DEAF1: variants seen among roughly 807,000 people sequenced by gnomAD.
DEAF1 encodes the protein deformed epidermal autoregulatory factor 1 homolog.
In DEAF1, 53 loss-of-function variants were observed where a neutral mutation model predicts 58.9. The ratio of observed to expected loss-of-function variants is 0.90; its 90% CI spans 0.72 to 1.13. The LOEUF (loss-of-function observed/expected upper bound fraction) is 1.13. DEAF1 is among the 50% of genes most tolerant of loss of function. DEAF1 has a pLI of 0.00. For synonymous variants in DEAF1, 385 were observed against 340.4 expected (o/e 1.13, Z -1.44); for missense variants, 685 against 791.4 (o/e 0.87, Z 1.61).
Position 644,343 on chromosome 11 carries a change from G to C in DEAF1, c.*207C>G. On this transcript the variant is annotated 3_prime_UTR_variant, in exon 12 of 12. Coordinates refer to ENST00000382409, the MANE Select transcript of DEAF1 (RefSeq NM_021008.4). This position sits in a 1 kb window ranked among gnomAD's most constrained non-coding sequence, Gnocchi z 4.3. Reference sequence around the variant, plus strand: ...GATCCCAGGGATAAAAAATCTGTCCGCGAGCGGGCAGGGGGCCCGGGCAGG... The same window carrying C: ...GATCCCAGGGATAAAAAATCTGTCCCCGAGCGGGCAGGGGGCCCGGGCAGG... The C allele has an allele frequency of 1.6e-6, 1 of 622,664 alleles. No individual in the cohort carries two copies. Among genetic ancestry groups the C allele is most frequent in the East Asian group, 2.8e-5 (1 of 36,270 alleles). The allele number at this position is 622,664 out of a possible 1,614,324, so 38.6% of individuals were successfully genotyped here. A position where few individuals can be genotyped will look rare whatever the true frequency, so the allele number is the denominator to read the frequency against.
chr11:683,701 C>T (rs564140668), intron 6 of DEAF1, among the ~76,000 whole-genome samples: 24 of 152,316 alleles, frequency 1.6e-4, no homozygotes, highest in African/African-American at 3.4e-4. Context: ...GTTAAACCTA[C>T]GAATCAACTT....
upstream of DEAF1, chr11:698,731 CG>C (rs1299517111): frequency 1.0e-6 from 1 of 988,348 alleles, no homozygotes; most frequent in African/African-American, 1.6e-5. Flanking sequence ...GGCAGGCCCA[CG>C]GTATATGTTT....
intron 11 of DEAF1, among the ~76,000 whole-genome samples, chr11:649,199 C>T (rs1432472991): frequency 1.3e-5 from 2 of 151,850 alleles, no homozygotes; most frequent in African/African-American, 2.4e-5. Flanking sequence ...TGCAGTGAGC[C>T]GAGATTGCGC....
At chr11:673,164 G>A (rs1859904167) in intron 10 of DEAF1, among the ~76,000 whole-genome samples, 1 of 151,524 alleles carries the variant, frequency 6.6e-6, no homozygotes, top group Non-Finnish European at 1.5e-5. Context: ...ATAAAATAAA[G>A]TAAAATAAAG....
chr11:674,730 C>G lies in DEAF1; in HGVS notation c.1309G>C (p.Ala437Pro). The G allele has an allele frequency of 6.2e-7, 1 of 1,613,790 alleles. No individual in the cohort carries two copies. The highest frequency in any genetic ancestry group is 8.5e-7 in the Non-Finnish European group (1 of 1,180,036). The part of the protein sequence containing the change: ...AVPPPTPTKA[A>P]PPALVNGLEL... ...AGCCCATTGACCAACGCGGGAGGTG[C>G]CGCTTTGGTGGGAGTCGGGGGTGGG... The change falls in exon 10 of 12, where the codon GCA becomes CCA. Residue 437 changes from alanine to proline, a missense_variant. This residue lies in a region of DEAF1 where 343 missense variants were observed against 379.8 expected (regional missense o/e 0.90). Transcript: ENST00000382409.
intron 6 of DEAF1, 59 bp from the exon 7 acceptor site, chr11:681,148 G>A (rs997403136): frequency 3.1e-6 from 5 of 1,611,334 alleles, no homozygotes; most frequent in Non-Finnish European, 8.5e-7. Context: ...TGCTGCGCTT[G>A]CAACTCCTCC....
intron 1 of DEAF1, among the ~76,000 whole-genome samples, chr11:692,040 T>C (rs542881516): frequency 3.0e-4 from 45 of 152,118 alleles, no homozygotes; most frequent in African/African-American, 1.1e-3. Flanking sequence ...CTGCCTCTCC[T>C]CCACCGCAGG....
At chr11:651,414 G>GA (rs200274966) in intron 11 of DEAF1, 19,207 of 228,836 alleles carry the variant, frequency 0.084, no homozygotes, top group South Asian at 0.14. Flanking sequence ...ATCTCTGTAA[G>GA]AAAAAAAAAA....
intron 10 of DEAF1, among the ~76,000 whole-genome samples, chr11:658,156 C>T (rs1283791798): frequency 2.0e-5 from 3 of 152,194 alleles, no homozygotes; most frequent in African/African-American, 2.4e-5. Flanking sequence ...TAGCCGGGCA[C>T]GGTGGCTCAC....
intron 1 of DEAF1, chr11:705,281 T>C: frequency 6.3e-6 from 1 of 158,668 alleles, no homozygotes; most frequent in Non-Finnish European, 1.4e-5. Context: ...TGGGGCGCCC[T>C]GTGCCCCTTC....
At chr11:695,870 T>C, upstream of DEAF1, 1 of 1,225,500 alleles carries the variant, frequency 8.2e-7, no homozygotes, top group Non-Finnish European at 1.0e-6. Context: ...GGGTGGGGGC[T>C]TCCGGGCTTG....
Position 695,103 on chromosome 11 carries a change from T to C in DEAF1, c.-56A>G. ...CGTCCGGGACCGCCCGAAGCGCCGG[T>C]CGCGGAGCCCGAAGCGGGGCCCGAA... On this transcript the variant is annotated 5_prime_UTR_variant, in exon 1 of 12. Transcript: ENST00000382409. 1 of 1,386,908 alleles carries C rather than the reference T, an allele frequency of 7.2e-7. No individual in the cohort carries two copies. Among genetic ancestry groups the C allele is most frequent in the South Asian group, 1.4e-5 (1 of 70,318 alleles). The allele number at this position is 1,386,908 out of a possible 1,614,324, so 85.9% of individuals were successfully genotyped here.
intron 11 of DEAF1, among the ~76,000 whole-genome samples, chr11:646,843 A>T (rs1858520876): frequency 6.6e-6 from 1 of 152,236 alleles, no homozygotes; most frequent in Non-Finnish European, 1.5e-5. Flanking sequence ...ATTCACAAGA[A>T]GCTAACAATG....
chr11:655,842 TA>T (rs199997521), intron 10 of DEAF1, among the ~76,000 whole-genome samples: 1 of 151,782 alleles, frequency 6.6e-6, no homozygotes, highest in Non-Finnish European at 1.5e-5. Context: ...TTATTATTAT[TA>T]TTTTTTTGAG....
intron 1 of DEAF1, chr11:703,429 A>G: frequency 1.0e-5 from 13 of 1,302,308 alleles, no homozygotes; most frequent in Non-Finnish European, 1.3e-5. Context: ...CAGCCCTGTC[A>G]GTGGGGTCTG....
Position 694,965 on chromosome 11 carries a change from G to A in DEAF1, c.83C>T (p.Ala28Val), listed in dbSNP as rs1387137892. 8.8e-6 allele frequency: 10 copies of A among 1,140,844 alleles called. No individual in the cohort carries two copies. Among genetic ancestry groups the A allele is most frequent in the South Asian group, 3.2e-5 (1 of 31,210 alleles). The allele number at this position is 1,140,844 out of a possible 1,614,324, so 70.7% of individuals were successfully genotyped here. A position where few individuals can be genotyped will look rare whatever the true frequency, so the allele number is the denominator to read the frequency against. Residue 28 changes from alanine to valine, a missense_variant, in exon 1 of 12, where the codon GCG becomes GTG. Ala to Val is a moderately conservative substitution (Grantham distance 64, BLOSUM62 0). Around this residue, in one of 3 missense-constraint regions of DEAF1, gnomAD observed 210 missense variants for 177.3 expected, o/e 1.18. Transcript: ENST00000382409. ...AVAAAAAVAAAAAAAAGGEAE... is the reference protein window; with the variant it reads ...AVAAAAAVAAVAAAAAGGEAE... ...CTCGCCTCCTGCCGCGGCCGCGGCC[G>A]CCGCCGCCACAGCGGCCGCGGCCGC...
chr11:700,593 C>T (rs369712491), intron 1 of DEAF1: 33 of 1,603,180 alleles, frequency 2.1e-5, no homozygotes, highest in African/African-American at 9.4e-5. Flanking sequence ...ACTTATGTTC[C>T]GTCCGCGCCT....
rs140384707 is a variant in DEAF1 at position 666,241 on chromosome 11, T to C, written c.1503+8295A>G. On this transcript the variant is annotated intron_variant, in intron 10 of 11. Transcript: ENST00000382409. ...CAGGGTGATCCATAAGAATTCAGCCTGCGAGAACAAAGCCCAACACTCTTC... is the reference window on the plus strand; with the variant it reads ...CAGGGTGATCCATAAGAATTCAGCCCGCGAGAACAAAGCCCAACACTCTTC... 306 of 152,370 alleles carry C rather than the reference T, an allele frequency of 2.0e-3. 2 individuals are homozygous for C. The highest frequency in any genetic ancestry group is 7.2e-3 in the African/African-American group (298 of 41,576). The allele number at this position is 152,370 out of a possible 1,614,324, so 9.4% of individuals were successfully genotyped here. A position where few individuals can be genotyped will look rare whatever the true frequency, so the allele number is the denominator to read the frequency against.
chr11:649,443 G>A (rs1858659743), intron 11 of DEAF1, among the ~76,000 whole-genome samples: 1 of 150,954 alleles, frequency 6.6e-6, no homozygotes, highest in East Asian at 2.0e-4. Flanking sequence ...AAAACAGCTG[G>A]GTGTGGTGGC....
Sources: gnomAD v4.1 joint callset for allele counts (sites outside exome capture counted in the v4.1 genomes callset) on GRCh38, gnomAD v4.1.1 for gene constraint, gnomAD v4.1.1 regional missense constraint, Gnocchi (gnomAD v3.1) non-coding constraint, MANE v1.5 for transcripts, NCBI Gene and HGNC (gene_info 2026-07-23, HGNC 2026-07-21) for gene names.